ADAMTS17: variants seen among roughly 807,000 people sequenced by gnomAD.
ADAMTS17 encodes the protein A disintegrin and metalloproteinase with thrombospondin motifs 17.
A neutral mutation model predicts 141.5 loss-of-function variants in ADAMTS17; 113 were observed. That is an observed-to-expected ratio of 0.80 (90% CI 0.69 to 0.93). The LOEUF is 0.93. Ranked by LOEUF, ADAMTS17 falls within the 40% of genes least tolerant of loss-of-function variation. ADAMTS17 has a pLI of 0.00. For synonymous variants in ADAMTS17, 768 were observed against 630.6 expected (o/e 1.22, Z -3.27); for missense variants, 1,659 against 1,517.9 (o/e 1.09, Z -1.54).
rs745310 is a variant in ADAMTS17, at chr15:100,296,085, G to A, written c.617-14684C>T. Among the ~76,000 whole-genome samples, 643 of 152,140 alleles carry A rather than the reference G, an allele frequency of 4.2e-3. 3 individuals carry two copies. Among genetic ancestry groups the A allele is most frequent in the African/African-American group, 0.014 (597 of 41,480 alleles). On this transcript the variant is annotated intron_variant, in intron 3 of 21. Coordinates refer to ENST00000268070, the MANE Select transcript of ADAMTS17 (RefSeq NM_139057.4). Reference sequence around the variant, plus strand: ...CTACCACCCACATCTAAGAACCTGGGGACAGTGCTTAACAGATTCGGGGTC... The same window carrying A: ...CTACCACCCACATCTAAGAACCTGGAGACAGTGCTTAACAGATTCGGGGTC...
intron 3 of ADAMTS17, among the ~76,000 whole-genome samples, chr15:100,311,205 C>T (rs1488378483): frequency 6.6e-6 from 1 of 152,238 alleles, no homozygotes; most frequent in African/African-American, 2.4e-5. Flanking sequence ...CACATTCTCC[C>T]GGCTCTCTCC....
At chr15:100,304,793 C>CCTTCAAAT (rs1337111893) in intron 3 of ADAMTS17, among the ~76,000 whole-genome samples, 1 of 152,164 alleles carries the variant, frequency 6.6e-6, no homozygotes, top group African/African-American at 2.4e-5. Context: ...ACTGTGCGGG[C>CCTTCAAAT]CCACTTATAC....
intron 7 of ADAMTS17, among the ~76,000 whole-genome samples, chr15:100,202,938 T>C (rs974870809): frequency 1.3e-5 from 2 of 152,204 alleles, no homozygotes; most frequent in African/African-American, 4.8e-5. Context: ...ACATCCAGCC[T>C]TCTATGATTT....
rs1470376897 is a variant in ADAMTS17, at chr15:100,253,474, AG to A, written c.1075+661del. On this transcript the variant is annotated intron_variant, in intron 7 of 21. Coordinates refer to ENST00000268070, the MANE Select transcript of ADAMTS17 (RefSeq NM_139057.4). The stretch of plus-strand genomic sequence containing the variant: ...GGAAGGTAGAGGGGGAGGGGAAGGT[AG>A]AGGGGGAGGGGAACGTAGAGGGGGA... Among the ~76,000 whole-genome samples the A allele has an allele frequency of 4.5e-4, 14 of 31,144 alleles. 3 individuals are homozygous for A. The highest frequency in any genetic ancestry group is 2.6e-3 in the South Asian group (1 of 390). The allele number at this position is 31,144 out of a possible 152,430, so 20.4% of individuals were successfully genotyped here.
intron 13 of ADAMTS17, among the ~76,000 whole-genome samples, chr15:100,112,035 AGT>A (rs1406627315): frequency 1.3e-5 from 2 of 152,206 alleles, no homozygotes; most frequent in Non-Finnish European, 2.9e-5. Flanking sequence ...CTGGCTTCCG[AGT>A]GTATCCTCTG....
intron 3 of ADAMTS17, among the ~76,000 whole-genome samples, chr15:100,292,088 A>G (rs2044645568): frequency 1.5e-5 from 2 of 133,070 alleles, no homozygotes; most frequent in South Asian, 4.8e-4. Context: ...GTGGGGAGTC[A>G]TGAGAGACGC....
chr15:100,118,394 A>G (rs181340437), intron 12 of ADAMTS17, among the ~76,000 whole-genome samples: 184 of 152,322 alleles, frequency 1.2e-3, no homozygotes, highest in African/African-American at 4.3e-3. Flanking sequence ...TACCTCATAT[A>G]CACTAGAAAA....
At chr15:100,162,948 GTA>G (rs1197068907) in intron 8 of ADAMTS17, among the ~76,000 whole-genome samples, 3 of 140,678 alleles carry the variant, frequency 2.1e-5, no homozygotes, top group South Asian at 2.3e-4. Flanking sequence ...ATATATTTGT[GTA>G]TATATATAAC....
chr15:100,235,859 A>G (rs139909041), intron 7 of ADAMTS17, among the ~76,000 whole-genome samples: 6 of 152,316 alleles, frequency 3.9e-5, no homozygotes, highest in African/African-American at 1.4e-4. Context: ...AAATGGAAAC[A>G]TGAGGACAAG....
intron 3 of ADAMTS17, among the ~76,000 whole-genome samples, chr15:100,296,413 TTTC>T (rs979680950): frequency 7.3e-4 from 106 of 145,896 alleles, no homozygotes; most frequent in African/African-American, 2.9e-3. Context: ...TGGCCTTCTC[TTTC>T]TTTTTTTTTC....
At chr15:100,003,534 T>C (rs1029052761) in intron 18 of ADAMTS17, among the ~76,000 whole-genome samples, 8 of 152,092 alleles carry the variant, frequency 5.3e-5, no homozygotes, top group African/African-American at 1.9e-4. Flanking sequence ...GCATAGCCAC[T>C]GAATGGCTAT....
rs1203450265 is a variant in ADAMTS17, at chr15:100,330,998, G to A, written c.507C>T (p.Ser169=). The part of the protein sequence containing the change: ...EQVLIQPLNN[S]QGPFSGREHL... Reference sequence around the variant, plus strand: ...GTTCTCGTCCACTGAATGGGCCCTGGGAGTTGTTGAGGGGCTGGATTAGCA... The same window carrying A: ...GTTCTCGTCCACTGAATGGGCCCTGAGAGTTGTTGAGGGGCTGGATTAGCA... Residue 169 remains serine, a synonymous_variant, in exon 3 of 22, where the codon TCC becomes TCT. Transcript: ENST00000268070. 2 of 1,614,038 alleles carry A rather than the reference G, an allele frequency of 1.2e-6. No individual in the cohort carries two copies. The highest frequency in any genetic ancestry group is 1.7e-6 in the Non-Finnish European group (2 of 1,180,046).
At chr15:100,071,424 G>A (rs1374159049) in intron 15 of ADAMTS17, among the ~76,000 whole-genome samples, 3 of 149,758 alleles carry the variant, frequency 2.0e-5, no homozygotes, top group African/African-American at 7.4e-5. Flanking sequence ...CCAAAGCCTG[G>A]CAGAGACACA....
intron 8 of ADAMTS17, among the ~76,000 whole-genome samples, chr15:100,190,130 C>G (rs138399965): frequency 6.6e-6 from 1 of 152,302 alleles, no homozygotes; most frequent in African/African-American, 2.4e-5. Context: ...ATGCTTCCAG[C>G]GACTCGCTAA....
intron 7 of ADAMTS17, among the ~76,000 whole-genome samples, chr15:100,223,682 T>C (rs979988296): frequency 2.7e-5 from 4 of 150,388 alleles, no homozygotes; most frequent in African/African-American, 5.0e-5. Context: ...CACACACACA[T>C]ATATGTGTAT....
chr15:100,242,609 C>G (rs2042860639), intron 7 of ADAMTS17, among the ~76,000 whole-genome samples: 1 of 152,178 alleles, frequency 6.6e-6, no homozygotes, highest in African/African-American at 2.4e-5. Flanking sequence ...TCCTCCCCGT[C>G]CTGCACACAC....
At chr15:100,100,932 G>A (rs1433017745) in intron 14 of ADAMTS17, among the ~76,000 whole-genome samples, 1 of 148,448 alleles carries the variant, frequency 6.7e-6, no homozygotes, top group Admixed American at 6.9e-5. Context: ...ACTCTTGTAA[G>A]CCCTCCCCCG....
intron 15 of ADAMTS17, among the ~76,000 whole-genome samples, chr15:100,069,709 C>T: frequency 6.6e-6 from 1 of 151,604 alleles, no homozygotes; most frequent in South Asian, 2.1e-4. Context: ...ATTTTGTCAC[C>T]ACCAGGCCTG....
At chr15:100,115,351 A>T (rs2037049062) in intron 13 of ADAMTS17, among the ~76,000 whole-genome samples, 1 of 152,186 alleles carries the variant, frequency 6.6e-6, no homozygotes, top group Non-Finnish European at 1.5e-5. Context: ...CCTCAACTGC[A>T]GGGAAAATTC....
Sources: allele counts gnomAD v4.1 joint callset (sites outside exome capture counted in the v4.1 genomes callset), GRCh38; gene constraint gnomAD v4.1.1; transcripts MANE v1.5; gene names NCBI Gene and HGNC (gene_info 2026-07-23, HGNC 2026-07-21).